SRGAP2B: variants seen among roughly 807,000 people sequenced by gnomAD.
SRGAP2B encodes SLIT-ROBO Rho GTPase activating protein 2B, also known as SLIT-ROBO Rho GTPase-activating protein 2B.
In SRGAP2B, 9 loss-of-function variants were observed where a neutral mutation model predicts 22.2. The ratio of observed to expected loss-of-function variants is 0.41; its 90% CI spans 0.24 to 0.71. The LOEUF (loss-of-function observed/expected upper bound fraction) is 0.71. Among genes scored for constraint, SRGAP2B ranks in the 30% least tolerant of loss-of-function variants. The pLI is 0.35. For synonymous variants in SRGAP2B, 36 were observed against 87.4 expected (o/e 0.41, Z 3.28); for missense variants, 114 against 235.8 (o/e 0.48, Z 3.38).
In SRGAP2B at chr1:144,925,213, C is replaced by T. The variant is rs587654075; in HGVS notation, c.424-10459G>A. Among the ~76,000 whole-genome samples, 12 of 150,228 alleles carry T rather than the reference C, an allele frequency of 8.0e-5. No individual in the cohort carries two copies. The South Asian group carries it at 8.3e-4, about 10-fold the overall frequency. On this transcript the variant is annotated intron_variant, in intron 4 of 9. Transcript: ENST00000612199. ...AGACAGAGAGTTTCACTATTTTGGC[C>T]GGGATGATCTCGAACTCCTGACCTC...
chr1:145,039,105 A>G (rs10751784), intron 2 of SRGAP2B, among the ~76,000 whole-genome samples: 2 of 89,276 alleles, frequency 2.2e-5, no homozygotes, highest in Non-Finnish European at 4.6e-5. Flanking sequence ...TTAGCCACTT[A>G]CCTAACCCTT....
At chr1:144,955,466 G>A (rs1366926590) in exon 4 of SRGAP2B, 9 of 1,567,304 alleles carry the variant, frequency 5.7e-6, no homozygotes, top group South Asian at 5.7e-5. Flanking sequence ...CTGAGTCCTC[G>A]CTGACTTGTA....
chr1:145,062,577 A>G (rs1398347926), intron 2 of SRGAP2B, among the ~76,000 whole-genome samples: 2 of 152,280 alleles, frequency 1.3e-5, no homozygotes, highest in African/African-American at 4.8e-5. Flanking sequence ...CTGGACTTCT[A>G]TACCACATAA....
At chr1:144,965,362 AC>A (rs1232853354) in intron 3 of SRGAP2B, among the ~76,000 whole-genome samples, 8 of 134,594 alleles carry the variant, frequency 5.9e-5, no homozygotes, top group Admixed American at 2.9e-4. Flanking sequence ...ACTGGGAGGC[AC>A]CCCCCAGCAG....
chr1:145,030,293 C>T (rs1403219231), intron 2 of SRGAP2B, among the ~76,000 whole-genome samples: 1 of 150,342 alleles, frequency 6.7e-6, no homozygotes, highest in Non-Finnish European at 1.5e-5. Flanking sequence ...CATTTACACA[C>T]GTTATTCTTC....
At chr1:145,093,932 C>T (rs1313329753) in intron 1 of SRGAP2B, among the ~76,000 whole-genome samples, 7 of 149,196 alleles carry the variant, frequency 4.7e-5, no homozygotes, top group African/African-American at 1.5e-4. Flanking sequence ...TTACTAGCTT[C>T]TCTTGGCAGC....
chr1:145,084,101 T>C (rs1429028065), intron 2 of SRGAP2B, among the ~76,000 whole-genome samples: 3 of 137,868 alleles, frequency 2.2e-5, no homozygotes, highest in Non-Finnish European at 4.7e-5. Context: ...GAGATGGAGT[T>C]TCACTCTTGT....
At chr1:145,009,751 A>G (rs1445987311) in intron 2 of SRGAP2B, among the ~76,000 whole-genome samples, 6 of 132,150 alleles carry the variant, frequency 4.5e-5, no homozygotes, top group African/African-American at 1.8e-4. Flanking sequence ...AAAAGGCTTA[A>G]GAGACTCACA....
chr1:145,010,779 C>G (rs587608069), intron 2 of SRGAP2B, among the ~76,000 whole-genome samples: 1 of 149,452 alleles, frequency 6.7e-6, no homozygotes, highest in Non-Finnish European at 1.5e-5. Flanking sequence ...CAGAGCCTTC[C>G]CCTCCTACCT....
At chr1:145,081,178 A>C (rs1652897381) in intron 2 of SRGAP2B, among the ~76,000 whole-genome samples, 1 of 149,004 alleles carries the variant, frequency 6.7e-6, no homozygotes, top group Non-Finnish European at 1.5e-5. Context: ...CTTCAGAGCA[A>C]GTTATTTAAC....
chr1:144,978,500 C>A (rs868964587), intron 3 of SRGAP2B, among the ~76,000 whole-genome samples: 2 of 137,296 alleles, frequency 1.5e-5, no homozygotes, highest in East Asian at 4.3e-4. Context: ...TAAAAAGTAG[C>A]CAGGCATGGT....
At chr1:145,058,068 G>A (rs1294252977) in intron 2 of SRGAP2B, among the ~76,000 whole-genome samples, 1 of 148,566 alleles carries the variant, frequency 6.7e-6, no homozygotes, top group Non-Finnish European at 1.5e-5. Flanking sequence ...CAAAGGTCAG[G>A]TTCAGCAGCC....
intron 2 of SRGAP2B, among the ~76,000 whole-genome samples, chr1:145,007,473 G>A (rs1553621312): frequency 2.0e-5 from 3 of 150,746 alleles, no homozygotes. Flanking sequence ...GGGAAAGAGG[G>A]GGAACCACCT....
chr1:145,081,611 A>G (rs9286580), intron 2 of SRGAP2B, among the ~76,000 whole-genome samples: 22 of 147,966 alleles, frequency 1.5e-4, no homozygotes, highest in African/African-American at 1.5e-4. Flanking sequence ...TGTCTTCCCA[A>G]AGAGCAGCTT....
intron 3 of SRGAP2B, among the ~76,000 whole-genome samples, chr1:144,963,201 G>T (rs587678190): frequency 1.3e-5 from 2 of 150,428 alleles, no homozygotes; most frequent in South Asian, 4.2e-4. Context: ...AACCCTCTTG[G>T]TACAATCTAC....
chr1:145,068,913 G>A (rs1275100113), intron 2 of SRGAP2B, among the ~76,000 whole-genome samples: 138 of 134,166 alleles, frequency 1.0e-3, no homozygotes, highest in South Asian at 3.5e-3. Flanking sequence ...GTGTGTGTGT[G>A]TGTGTGTGTG....
chr1:144,959,541 TATA>T (rs1467514179), intron 3 of SRGAP2B, among the ~76,000 whole-genome samples: 12 of 112,922 alleles, frequency 1.1e-4, no homozygotes, highest in Middle Eastern at 3.9e-3. Flanking sequence ...TGACTGACAG[TATA>T]ATAAGTACTC....
chr1:145,067,079 G>A (rs7540758), intron 2 of SRGAP2B, among the ~76,000 whole-genome samples: 3 of 148,606 alleles, frequency 2.0e-5, no homozygotes, highest in South Asian at 2.1e-4. Context: ...GCTCGAGGCC[G>A]GGAGTTCAAG....
chr1:145,068,810 A>G (rs1396653877), intron 2 of SRGAP2B, among the ~76,000 whole-genome samples: 2 of 147,296 alleles, frequency 1.4e-5, no homozygotes, highest in African/African-American at 5.2e-5. Context: ...TTCTTTACTT[A>G]TGAGGCATAA....
Sources: allele counts gnomAD v4.1 joint callset (sites outside exome capture counted in the v4.1 genomes callset), GRCh38; gene constraint gnomAD v4.1.1; transcripts MANE v1.5; gene names NCBI Gene and HGNC (gene_info 2026-07-23, HGNC 2026-07-21).